Variants in TENT2 observed in about 807,000 individuals in gnomAD.
TENT2 encodes poly(A) RNA polymerase GLD2.
TENT2 carries 44 observed loss-of-function variants against 72.2 expected under a neutral mutation model. The ratio of observed to expected loss-of-function variants is 0.61; its 90% CI spans 0.48 to 0.78. The LOEUF (loss-of-function observed/expected upper bound fraction) is 0.78, where lower values mean the gene tolerates loss of function less well. TENT2 is among the 30% of genes least tolerant of loss of function. The pLI is 0.00. For synonymous variants in TENT2, 212 were observed against 192.5 expected (o/e 1.10, Z -0.84); for missense variants, 541 against 569.6 (o/e 0.95, Z 0.51).
chr5:79,674,460 T>G (rs1815610849), intron 12 of TENT2, among the ~76,000 whole-genome samples: 2 of 152,186 alleles, frequency 1.3e-5, no homozygotes, highest in South Asian at 2.1e-4. Flanking sequence ...GATAGAACAG[T>G]CATATACAAT....
intron 8 of TENT2, among the ~76,000 whole-genome samples, chr5:79,648,058 C>T (rs528021351): frequency 2.2e-4 from 34 of 152,004 alleles, no homozygotes; most frequent in Non-Finnish European, 4.3e-4. Context: ...GCTATAATTC[C>T]AGATTATTTG....
At chr5:79,646,685 A>G (rs1227324120) in intron 8 of TENT2, among the ~76,000 whole-genome samples, 1 of 152,034 alleles carries the variant, frequency 6.6e-6, no homozygotes, top group African/African-American at 2.4e-5. Context: ...GTTTTTAATA[A>G]TATATGGTTG....
chr5:79,664,792 C>T (rs1017188816), intron 11 of TENT2, among the ~76,000 whole-genome samples: 1 of 152,038 alleles, frequency 6.6e-6, no homozygotes, highest in African/African-American at 2.4e-5. Flanking sequence ...GTGGCATATA[C>T]TAAACAGTTA....
chr5:79,651,763 T>C (rs971948343), intron 10 of TENT2, among the ~76,000 whole-genome samples: 4 of 152,082 alleles, frequency 2.6e-5, no homozygotes, highest in Non-Finnish European at 4.4e-5. Context: ...CCCATCTTTG[T>C]CTGGAGATAG....
chr5:79,631,120 C>G (rs534444705), intron 4 of TENT2, among the ~76,000 whole-genome samples: 51 of 152,284 alleles, frequency 3.3e-4, no homozygotes, highest in Non-Finnish European at 4.6e-4. Flanking sequence ...GAGGGGCTGT[C>G]CTGTGTACCC....
At chr5:79,673,302 T>C (rs773384945) in intron 12 of TENT2, among the ~76,000 whole-genome samples, 9 of 152,234 alleles carry the variant, frequency 5.9e-5, no homozygotes, top group Non-Finnish European at 1.2e-4. Context: ...TAACTTGATG[T>C]GATCCCATTG....
rs533295232 is a variant in TENT2 at position 79,629,598 on chromosome 5, C to T, written c.465+6109C>T. Among the ~76,000 whole-genome samples the T allele has an allele frequency of 4.3e-3, 653 of 151,690 alleles. 3 individuals carry two copies. Among genetic ancestry groups the T allele is most frequent in the African/African-American group, 0.015 (622 of 41,324 alleles). On this transcript the variant is annotated intron_variant, in intron 4 of 14. Coordinates refer to ENST00000453514, the MANE Select transcript of TENT2 (RefSeq NM_001114394.3). ...ATCCCAGCACTTTGGGAGGCCGAGG[C>T]GGGTGGATCACGAGGTCAGGAGATC...
chr5:79,660,545 A>G (rs147125710), intron 11 of TENT2, among the ~76,000 whole-genome samples: 9 of 152,312 alleles, frequency 5.9e-5, no homozygotes, highest in Non-Finnish European at 1.2e-4. Context: ...GAAATAAAGA[A>G]TTCTATAGCT....
At chr5:79,613,829 T>C (rs1019463650) in intron 1 of TENT2, 1 of 152,226 alleles carries the variant, frequency 6.6e-6, no homozygotes, top group African/African-American at 2.4e-5. Flanking sequence ...ATTTAGGAAC[T>C]GGATTTTTCG....
chr5:79,618,804 C>A (rs1762490045), intron 1 of TENT2, among the ~76,000 whole-genome samples: 1 of 152,106 alleles, frequency 6.6e-6, no homozygotes, highest in Non-Finnish European at 1.5e-5. Flanking sequence ...TTGATGGACT[C>A]CCAAGTATTA....
chr5:79,668,691 T>A, intron 11 of TENT2: 1 of 512,218 alleles, frequency 2.0e-6, no homozygotes, highest in Non-Finnish European at 3.4e-6. Context: ...AGGATTAGAA[T>A]GTTAGTTTTT....
intron 12 of TENT2, 36 bp downstream of exon 12, chr5:79,669,064 A>T (rs557911165): frequency 1.9e-6 from 3 of 1,591,350 alleles, no homozygotes; most frequent in Non-Finnish European, 1.7e-6. Context: ...GTTCACTTAT[A>T]TGTGTGTGTG....
chr5:79,663,928 G>A (rs1805105735), intron 11 of TENT2, among the ~76,000 whole-genome samples: 1 of 152,118 alleles, frequency 6.6e-6, no homozygotes, highest in Admixed American at 6.5e-5. Context: ...TGGGCGCTCT[G>A]TATGTGGGTT....
chr5:79,665,196 CCTT>C (rs1428275961), intron 11 of TENT2, among the ~76,000 whole-genome samples: 6 of 152,216 alleles, frequency 3.9e-5, no homozygotes, highest in East Asian at 1.9e-4. Flanking sequence ...TTCCTTGTAA[CCTT>C]CTTTAACATA....
chr5:79,670,499 A>G (rs550995265), intron 12 of TENT2, among the ~76,000 whole-genome samples: 1 of 151,210 alleles, frequency 6.6e-6, no homozygotes, highest in South Asian at 2.1e-4. Flanking sequence ...TAATTTTTGT[A>G]TTTTTAGTAG....
intron 14 of TENT2, 27 bp from the exon 15 acceptor site, chr5:79,685,172 T>C: frequency 1.9e-6 from 3 of 1,547,930 alleles, no homozygotes; most frequent in Non-Finnish European, 2.7e-6. Context: ...TTTTAGGTTT[T>C]AAGAATGATT....
At chr5:79,668,729 C>G (rs113325075) in intron 11 of TENT2, 163 bp from the exon 12 acceptor site, 2 of 658,564 alleles carry the variant, frequency 3.0e-6, no homozygotes, top group African/African-American at 1.8e-5. Flanking sequence ...ACTGCAAATA[C>G]TGGTGAAGTC....
chr5:79,674,056 A>G (rs562018567), intron 12 of TENT2, among the ~76,000 whole-genome samples: 37 of 152,300 alleles, frequency 2.4e-4, no homozygotes, highest in African/African-American at 8.7e-4. Context: ...TCTGGGAAAT[A>G]CCTGGCCTAA....
At chr5:79,657,829 A>G (rs961865612) in intron 11 of TENT2, among the ~76,000 whole-genome samples, 3 of 152,204 alleles carry the variant, frequency 2.0e-5, no homozygotes, top group Admixed American at 6.5e-5. Flanking sequence ...TTGGTTTCAT[A>G]TACTTATAAG....
Sources: allele counts gnomAD v4.1 joint callset (sites outside exome capture counted in the v4.1 genomes callset), GRCh38; gene constraint gnomAD v4.1.1; transcripts MANE v1.5; gene names NCBI Gene and HGNC (gene_info 2026-07-23, HGNC 2026-07-21).